ITGA11: variants seen among roughly 807,000 people sequenced by gnomAD.
ITGA11 encodes integrin alpha-11.
Under a neutral mutation model 141.9 loss-of-function variants are expected in ITGA11, and 97 were observed. That is an observed-to-expected ratio of 0.68 (90% CI 0.58 to 0.81). ITGA11 has a LOEUF of 0.81. Ranked by LOEUF, ITGA11 falls within the 30% of genes least tolerant of loss-of-function variation. The pLI, the probability that ITGA11 is intolerant of heterozygous loss-of-function variation, is 0.00. For synonymous variants in ITGA11, 658 were observed against 624.6 expected, an observed-to-expected ratio of 1.05 and a Z score of -0.80; for missense variants, 1,387 against 1,559.2, an observed-to-expected ratio of 0.89 and a Z score of 1.86.
chr15:68,420,961 C>G (rs938168760), intron 1 of ITGA11, among the ~76,000 whole-genome samples: 10 of 152,174 alleles, frequency 6.6e-5, no homozygotes, highest in African/African-American at 2.2e-4. Context: ...GGTAGGAGCC[C>G]GAGGCAAGGC....
chr15:68,367,715 G>C (rs2415008), intron 3 of ITGA11, among the ~76,000 whole-genome samples: 141,422 of 152,152 alleles, frequency 0.93, 66,088 homozygotes, highest in Middle Eastern at 0.98. Context: ...CTCTAGGTGC[G>C]CATTAAAGGT....
chr15:68,384,920 G>C (rs1895947062), intron 2 of ITGA11, among the ~76,000 whole-genome samples: 2 of 152,240 alleles, frequency 1.3e-5, no homozygotes. Context: ...GGGCAGACTT[G>C]TGTAAGATGC....
intron 2 of ITGA11, 47 bp from the exon 3 acceptor site, chr15:68,369,331 T>A: frequency 8.4e-7 from 1 of 1,189,526 alleles, no homozygotes; most frequent in Non-Finnish European, 1.2e-6. Flanking sequence ...GAGGTACTCT[T>A]TCCTGGCAGA....
chr15:68,364,793 C>T lies in ITGA11; in HGVS notation c.271G>A (p.Val91Ile). 6.2e-7 allele frequency: 1 copy of T among 1,613,794 alleles called. No individual in the cohort carries two copies. The highest frequency in any genetic ancestry group is 8.5e-7 in the Non-Finnish European group (1 of 1,179,828). ...GNCTKLNLGR[V>I]TLSNVSERKD... ...CGCTCGGACACGTTGGACAGGGTGACCCTTCCTGGGGTTGGGGGAGAAGTT... is the reference window on the plus strand; with the variant it reads ...CGCTCGGACACGTTGGACAGGGTGATCCTTCCTGGGGTTGGGGGAGAAGTT... Residue 91 changes from valine (V) to isoleucine (I), a missense_variant, in exon 4 of 30, where the codon GTC becomes ATC. Coordinates refer to ENST00000315757, the MANE Select transcript of ITGA11 (RefSeq NM_001004439.2).
chr15:68,353,855 G>A (rs1050917292), intron 7 of ITGA11, among the ~76,000 whole-genome samples: 9 of 151,904 alleles, frequency 5.9e-5, no homozygotes, highest in African/African-American at 2.2e-4. Flanking sequence ...AGCTCACTAG[G>A]CCCTCTGAAA....
rs1893151598 is a variant in ITGA11, at chr15:68,305,148, C to T, written c.3382-1263G>A. On this transcript the variant is annotated intron_variant, in intron 28 of 29. Coordinates refer to ENST00000315757, the MANE Select transcript of ITGA11 (RefSeq NM_001004439.2). The surrounding 1 kb of genome is among the most constrained non-coding windows in gnomAD (Gnocchi z 4.6). The stretch of plus-strand genomic sequence containing the variant: ...CTCCCTCTTGCTTTACTCCAGCTTT[C>T]AGCCACCTGGCCTCCAGCATGCATG... Among the ~76,000 whole-genome samples, 1 of 152,260 alleles carries T rather than the reference C, an allele frequency of 6.6e-6. No homozygotes were observed. The highest frequency in any genetic ancestry group is 1.5e-5 in the Non-Finnish European group (1 of 68,044).
chr15:68,312,919 C>G (rs1178727650), intron 23 of ITGA11, 56 bp from the exon 24 acceptor site: 6 of 1,284,868 alleles, frequency 4.7e-6, no homozygotes, highest in African/African-American at 1.5e-5. Context: ...GCTGGATGGA[C>G]AGATGAATGA....
rs1285466263 is a variant in ITGA11, at chr15:68,331,997, G to A, written c.1632C>T (p.Ser544=). The change falls in exon 14 of 30, where the codon TCC becomes TCT. Residue 544 remains serine, a synonymous_variant. Transcript: ENST00000315757. ...TGAGGTCTCGAACTGAGGCAATGGA[G>A]GACCCAAATCGGGCATTCTGGTAAC... The part of the protein sequence containing the change: ...SHSYQNARFG[S]SIASVRDLNQ... 6.2e-7 allele frequency: 1 copy of A among 1,612,514 alleles called. No individual in the cohort carries two copies. Among genetic ancestry groups the A allele is most frequent in the Non-Finnish European group, 8.5e-7 (1 of 1,179,304 alleles).
intron 12 of ITGA11, among the ~76,000 whole-genome samples, chr15:68,334,194 G>C (rs570943983): frequency 1.3e-5 from 2 of 152,358 alleles, no homozygotes; most frequent in Admixed American, 6.5e-5. Context: ...GCACACAGAA[G>C]GTACCTAATT....
rs375239763 is a variant in ITGA11 at position 68,325,201 on chromosome 15, T to C, written c.2252A>G (p.Glu751Gly). 21 of 1,613,806 alleles carry C rather than the reference T, an allele frequency of 1.3e-5. No individual in the cohort carries two copies. The highest frequency in any genetic ancestry group is 3.3e-4 in the Middle Eastern group (2 of 6,084). Residue 751 changes from glutamate to glycine, a missense_variant, in exon 18 of 30, where the codon GAG becomes GGG. Transcript: ENST00000315757. The surrounding 1 kb of genome is among the most constrained non-coding windows in gnomAD (Gnocchi z 5.5). Reference sequence around the variant, plus strand: ...ATGGTCAGGGTCCTCCAGGGAATACTCGACTGAGAAGGTCACTGGCTTCAC... The same window carrying C: ...ATGGTCAGGGTCCTCCAGGGAATACCCGACTGAGAAGGTCACTGGCTTCAC... ...DYVKPVTFSV[E>G]YSLEDPDHGP...
chr15:68,431,142 C>T (rs990257899), intron 1 of ITGA11, among the ~76,000 whole-genome samples: 1 of 152,208 alleles, frequency 6.6e-6, no homozygotes, highest in Non-Finnish European at 1.5e-5. Flanking sequence ...CCGGGGAGCC[C>T]GGTGTGGGAC....
At chr15:68,400,012 C>T (rs1008432881) in intron 2 of ITGA11, among the ~76,000 whole-genome samples, 5 of 152,070 alleles carry the variant, frequency 3.3e-5, no homozygotes, top group Admixed American at 6.6e-5. Flanking sequence ...TACCTGACTT[C>T]GAGACTTATT....
chr15:68,388,214 TCTTGCC>T (rs1461028146), intron 2 of ITGA11, among the ~76,000 whole-genome samples: 2 of 152,158 alleles, frequency 1.3e-5, no homozygotes, highest in Non-Finnish European at 2.9e-5. Flanking sequence ...CTCCTTCTGC[TCTTGCC>T]CTAGCTCACT....
At chr15:68,397,650 T>A (rs1401914612) in intron 2 of ITGA11, among the ~76,000 whole-genome samples, 1 of 116,666 alleles carries the variant, frequency 8.6e-6, no homozygotes, top group Admixed American at 1.2e-4. Context: ...TTAAAATATT[T>A]TAAAATATAT....
rs369265491 is a variant in ITGA11 at position 68,311,374 on chromosome 15, G to A, written c.3003C>T (p.His1001=). 86 of 1,569,758 alleles carry A rather than the reference G, an allele frequency of 5.5e-5. No individual in the cohort carries two copies. The Admixed American group carries it at 1.1e-3, about 20-fold the overall frequency. Residue 1001 remains histidine, a synonymous_variant, in exon 25 of 30, where the codon CAC becomes CAT. Coordinates refer to ENST00000315757, the MANE Select transcript of ITGA11 (RefSeq NM_001004439.2). ...RIQNLGLFPI[H]GMMMKITIPI... ...GAATGGTGATCTTCATCATCATCCC[G>A]TGGATGGGGAACAAGCCCAAGTTCT...
At chr15:68,402,884 A>G in intron 2 of ITGA11, 34 bp downstream of exon 2, 1 of 1,448,242 alleles carries the variant, frequency 6.9e-7, no homozygotes, top group Non-Finnish European at 9.6e-7. Context: ...GTGGAATGGT[A>G]CAGGGCTGGG....
chr15:68,316,605 T>TC (rs1039200120), intron 21 of ITGA11, among the ~76,000 whole-genome samples: 2 of 152,132 alleles, frequency 1.3e-5, no homozygotes, highest in African/African-American at 4.8e-5. Flanking sequence ...GGAGCCCTCA[T>TC]CCCCACTCCC....
At chr15:68,312,072 A>C (rs1316669536) in intron 24 of ITGA11, among the ~76,000 whole-genome samples, 1 of 152,238 alleles carries the variant, frequency 6.6e-6, no homozygotes, top group African/African-American at 2.4e-5. Flanking sequence ...GCCTAAGAGA[A>C]GCTGATGAAC....
At chr15:68,404,050 C>T (rs1198546884) in intron 1 of ITGA11, among the ~76,000 whole-genome samples, 2 of 152,146 alleles carry the variant, frequency 1.3e-5, no homozygotes, top group Non-Finnish European at 2.9e-5. Context: ...CCTTCTCCAT[C>T]ACTCCTTCCT....
Sources: gnomAD v4.1 joint callset for allele counts (sites outside exome capture counted in the v4.1 genomes callset) on GRCh38, gnomAD v4.1.1 for gene constraint, Gnocchi (gnomAD v3.1) non-coding constraint, MANE v1.5 for transcripts, NCBI Gene and HGNC (gene_info 2026-07-23, HGNC 2026-07-21) for gene names.